Variants in RBFOX1 observed in about 807,000 individuals in gnomAD.
RBFOX1 encodes RNA binding protein fox-1 homolog 1.
RBFOX1 carries 8 observed loss-of-function variants against 57.7 expected under a neutral mutation model. That is an observed-to-expected ratio of 0.14 (90% confidence interval 0.08 to 0.25). The LOEUF is 0.25. Ranked by LOEUF, RBFOX1 falls within the 10% of genes least tolerant of loss-of-function variation. RBFOX1 has a pLI of 1.00. For missense variants in RBFOX1, 611 were observed against 548.5 expected (o/e 1.11, Z -1.14); for synonymous variants, 326 against 222.4 (o/e 1.47, Z -4.15).
intron 2 of RBFOX1, among the ~76,000 whole-genome samples, chr16:6,512,157 G>A (rs2096267489): frequency 6.6e-6 from 1 of 151,204 alleles, no homozygotes; most frequent in Non-Finnish European, 1.5e-5. Flanking sequence ...GATGGTGCAT[G>A]CCTGTGGTCC....
At chr16:6,718,621 G>T (rs1260172856) in intron 3 of RBFOX1, among the ~76,000 whole-genome samples, 2 of 152,150 alleles carry the variant, frequency 1.3e-5, no homozygotes, top group African/African-American at 4.8e-5. Flanking sequence ...TGGAGGAGGA[G>T]CCTGGTGGGA....
intron 4 of RBFOX1, among the ~76,000 whole-genome samples, chr16:7,419,130 A>G (rs13329776): frequency 0.23 from 35,127 of 151,778 alleles, 4,356 homozygotes; most frequent in East Asian, 0.34. Flanking sequence ...CTGGTCTGGA[A>G]CTCCTGGGCT....
At chr16:6,676,205 A>T (rs575684901) in intron 3 of RBFOX1, among the ~76,000 whole-genome samples, 1 of 152,030 alleles carries the variant, frequency 6.6e-6, no homozygotes, top group East Asian at 1.9e-4. Context: ...CTAGGATCAG[A>T]TAGGTAGGCT....
chr16:6,289,542 G>C (rs112598770), intron 1 of RBFOX1, among the ~76,000 whole-genome samples: 1 of 152,082 alleles, frequency 6.6e-6, no homozygotes, highest in Non-Finnish European at 1.5e-5. Context: ...GCTATTCATT[G>C]GTAATAGCTG....
intron 4 of RBFOX1, among the ~76,000 whole-genome samples, chr16:7,152,333 A>T (rs895693014): frequency 1.3e-5 from 2 of 152,208 alleles, no homozygotes; most frequent in Non-Finnish European, 2.9e-5. Context: ...TACAGAAGGG[A>T]TAATGGACAA....
At chr16:6,711,428 T>C (rs1002339741) in intron 3 of RBFOX1, among the ~76,000 whole-genome samples, 1 of 152,150 alleles carries the variant, frequency 6.6e-6, no homozygotes, top group Non-Finnish European at 1.5e-5. Context: ...CCCACTCAAA[T>C]CTCATCTTGA....
intron 3 of RBFOX1, among the ~76,000 whole-genome samples, chr16:6,925,109 G>GTTTTTTTTTTTTTTTTTTTTTTTTT (rs57556084): frequency 6.6e-5 from 3 of 45,218 alleles, no homozygotes; most frequent in African/African-American, 1.8e-4. Flanking sequence ...TAGGTTGTTG[G>GTTTTTTTTTTTTTTTTTTTTTTTTT]TTTTTTTTTT....
intron 15 of RBFOX1, 185 bp from the exon 16 acceptor site, chr16:7,710,438 G>C: frequency 7.1e-7 from 1 of 1,414,860 alleles, no homozygotes; most frequent in Non-Finnish European, 9.1e-7. Context: ...TTCTTTAGGA[G>C]GAGCTATTGG....
At chr16:7,462,092 G>C (rs1381912865) in intron 4 of RBFOX1, among the ~76,000 whole-genome samples, 1 of 152,104 alleles carries the variant, frequency 6.6e-6, no homozygotes, top group East Asian at 1.9e-4. Flanking sequence ...TTCTTTTCTT[G>C]GTATTTGGCC....
chr16:5,671,111 A>G (rs919871925), intron 3 of RBFOX1, among the ~76,000 whole-genome samples: 1 of 152,320 alleles, frequency 6.6e-6, no homozygotes, highest in Non-Finnish European at 1.5e-5. Flanking sequence ...AGAAAGCACA[A>G]ATTAGACCAT....
intron 12 of RBFOX1, among the ~76,000 whole-genome samples, chr16:7,655,354 A>T (rs1464938332): frequency 1.3e-5 from 2 of 152,124 alleles, no homozygotes; most frequent in Non-Finnish European, 2.9e-5. Flanking sequence ...CTTCTTGGAC[A>T]AAACAAGAGC....
chr16:6,304,370 C>T (rs2079194184), intron 1 of RBFOX1, among the ~76,000 whole-genome samples: 1 of 152,136 alleles, frequency 6.6e-6, no homozygotes, highest in Admixed American at 6.5e-5. Flanking sequence ...ATAAATCTGT[C>T]TGCATTGCAG....
intron 3 of RBFOX1, among the ~76,000 whole-genome samples, chr16:5,757,203 G>T (rs1597123594): frequency 2.0e-5 from 3 of 151,616 alleles, no homozygotes; most frequent in African/African-American, 7.3e-5. Context: ...AGCGTGGCGG[G>T]GAAGGTTTTT....
rs1400189174 is a variant in RBFOX1 at position 7,330,518 on chromosome 16, G to GTGTGTGTT, written c.28-187622_28-187621insTTGTGTGT. Among the ~76,000 whole-genome samples, 402 of 133,378 alleles carry GTGTGTGTT rather than the reference G, an allele frequency of 3.0e-3. 1 individual carries two copies. Among genetic ancestry groups the GTGTGTGTT allele is most frequent in the African/African-American group, 0.011 (351 of 33,108 alleles). 87.5% of individuals were successfully genotyped at this position (133,378 alleles called of 152,430 possible). ...TGTGTGTGTGTGTGTGTTTGTGTGT[G>GTGTGTGTT]TGTGTGTAGAGAGAGAGAGAGAGAG... On this transcript the variant is annotated intron_variant, in intron 4 of 15. Transcript: ENST00000550418.
At chr16:7,467,890 G>C (rs901467398) in intron 4 of RBFOX1, among the ~76,000 whole-genome samples, 2 of 152,208 alleles carry the variant, frequency 1.3e-5, no homozygotes, top group Admixed American at 1.3e-4. Flanking sequence ...TTCAGCCCAA[G>C]AACTCTGGTC....
chr16:6,770,797 A>T (rs2078160806), intron 3 of RBFOX1, among the ~76,000 whole-genome samples: 1 of 152,146 alleles, frequency 6.6e-6, no homozygotes, highest in African/African-American at 2.4e-5. Context: ...GTTACTCTTT[A>T]TATGACAGGG....
At chr16:7,447,430 CAAAAAA>C (rs202234230) in intron 4 of RBFOX1, among the ~76,000 whole-genome samples, 1 of 98,536 alleles carries the variant, frequency 1.0e-5, no homozygotes, top group Non-Finnish European at 2.0e-5. Flanking sequence ...GAGTCTATCT[CAAAAAA>C]AAAAAAAAAA....
At chr16:5,748,003 T>C (rs982842284) in intron 3 of RBFOX1, among the ~76,000 whole-genome samples, 3 of 152,212 alleles carry the variant, frequency 2.0e-5, no homozygotes, top group Admixed American at 2.0e-4. Context: ...CTTTCTGTTG[T>C]GGGCATTTAG....
chr16:6,008,959 C>G (rs1181145540), intron 4 of RBFOX1, among the ~76,000 whole-genome samples: 1 of 152,214 alleles, frequency 6.6e-6, no homozygotes, highest in Non-Finnish European at 1.5e-5. Flanking sequence ...TTCTCATTGA[C>G]AGCCTCTCAA....
Sources: allele counts gnomAD v4.1 joint callset (sites outside exome capture counted in the v4.1 genomes callset), GRCh38; gene constraint gnomAD v4.1.1; transcripts MANE v1.5; gene names NCBI Gene and HGNC (gene_info 2026-07-23, HGNC 2026-07-21).